Variants in MAP3K13 observed in about 807,000 individuals in gnomAD.
MAP3K13 encodes mitogen-activated protein kinase kinase kinase 13, also known as leucine zipper-bearing kinase.
MAP3K13 carries 52 observed loss-of-function variants against 104.0 expected under a neutral mutation model. That is an observed-to-expected ratio of 0.50 (90% CI 0.40 to 0.63). The LOEUF is 0.63. Among genes scored for constraint, MAP3K13 ranks in the 20% least tolerant of loss-of-function variants. MAP3K13 has a pLI of 0.00. For missense variants in MAP3K13, 914 were observed against 1,218.5 expected, an observed-to-expected ratio of 0.75 and a Z score of 3.72; for synonymous variants, 394 against 442.2, an observed-to-expected ratio of 0.89 and a Z score of 1.37.
Position 185,354,465 on chromosome 3 carries a change from AG to A in MAP3K13, c.-86+68824del, listed in dbSNP as rs1329342218. Among the ~76,000 whole-genome samples, 8 of 150,976 alleles carry A rather than the reference AG, an allele frequency of 5.3e-5. No homozygotes were observed. In the East Asian group the frequency reaches 1.6e-3, roughly 31 times the overall value. ...CTGCCCTCTGTTGACATAGAGAGGT[AG>A]GAGCAGACCCTTAGCAGATAGATAT... On this transcript the variant is annotated intron_variant, in intron 2 of 14. Coordinates refer to the MAP3K13 transcript ENST00000424227.
At position 185,363,363 on chromosome 3, in the gene MAP3K13, G is replaced by A. The variant is rs1238009601; in HGVS notation, c.-91G>A. On this transcript the variant is annotated 5_prime_UTR_variant, in exon 1 of 14. Coordinates refer to ENST00000265026, the MANE Select transcript of MAP3K13 (RefSeq NM_004721.5). ...GGAACAGCATGTGTAGGAATTCTTC[G>A]TTGTTGTGAGTATTGCACTCTGTTT... The A allele has an allele frequency of 1.0e-6, 1 of 983,772 alleles. No homozygotes were observed. The highest frequency in any genetic ancestry group is 1.2e-6 in the Non-Finnish European group (1 of 828,632). The allele number at this position is 983,772 out of a possible 1,614,324, so 60.9% of individuals were successfully genotyped here.
At chr3:185,444,371 A>G (rs578096566) in intron 4 of MAP3K13, among the ~76,000 whole-genome samples, 31 of 152,136 alleles carry the variant, frequency 2.0e-4, no homozygotes, top group African/African-American at 7.5e-4. Context: ...AATAATAAAA[A>G]TAAAAAGAAG....
chr3:185,480,176 G>C, intron 12 of MAP3K13, 56 bp from the exon 13 acceptor site: 1 of 1,533,456 alleles, frequency 6.5e-7, no homozygotes, highest in Non-Finnish European at 8.9e-7. Flanking sequence ...TGACAGATAA[G>C]GAAAGAAAAG....
At chr3:185,442,067 G>A (rs772720167) in intron 3 of MAP3K13, among the ~76,000 whole-genome samples, 8 of 150,872 alleles carry the variant, frequency 5.3e-5, no homozygotes, top group Admixed American at 6.6e-5. Context: ...TTAGCCTGGC[G>A]TGGTGGTGCA....
At chr3:185,382,234 G>A (rs1386891930) in intron 1 of MAP3K13, among the ~76,000 whole-genome samples, 1 of 149,776 alleles carries the variant, frequency 6.7e-6, no homozygotes, top group African/African-American at 2.5e-5. Flanking sequence ...TAATAACATA[G>A]AAAAATTATA....
Position 185,428,953 on chromosome 3 carries a change from C to A in MAP3K13, c.372C>A (p.Gly124=), listed in dbSNP as rs1213224940. The part of the protein sequence containing the change: ...EDIKIQFSRS[G]SGSGGFLEGL... ...TAAAGATTCAGTTCAGCAGGTCAGG[C>A]AGTGGCAGTGGTGGGTTTCTTGAAG... Residue 124 remains glycine, a synonymous_variant, in exon 2 of 14, where the codon GGC becomes GGA. Transcript: ENST00000265026. The A allele has an allele frequency of 4.3e-6, 7 of 1,614,036 alleles. No homozygotes were observed. The highest frequency in any genetic ancestry group is 5.9e-6 in the Non-Finnish European group (7 of 1,180,032).
At position 185,483,862 on chromosome 3, in the gene MAP3K13, G is replaced by A. The variant is rs148473277; in HGVS notation, c.*1406G>A. 3.3e-3 allele frequency: 510 copies of A among 155,122 alleles called. 1 individual carries two copies. The highest frequency in any genetic ancestry group is 5.6e-3 in the Non-Finnish European group (393 of 69,896). The allele number at this position is 155,122 out of a possible 1,614,324, so 9.6% of individuals were successfully genotyped here. ...CGAGTAGCTGGGATTACAGGCGCCCGCAACCACGCCTGGCTAATTTTGTAT... is the reference window on the plus strand; with the variant it reads ...CGAGTAGCTGGGATTACAGGCGCCCACAACCACGCCTGGCTAATTTTGTAT... On this transcript the variant is annotated 3_prime_UTR_variant, in exon 14 of 14. Transcript: ENST00000265026.
intron 7 of MAP3K13, among the ~76,000 whole-genome samples, chr3:185,453,670 G>C (rs889252170): frequency 6.6e-6 from 1 of 151,252 alleles, no homozygotes; most frequent in African/African-American, 2.4e-5. Context: ...TCAGGAGGCT[G>C]AGGCAGGAGA....
At chr3:185,454,632 TATATGA>T (rs1560117097) in intron 7 of MAP3K13, among the ~76,000 whole-genome samples, 1 of 21,864 alleles carries the variant, frequency 4.6e-5, no homozygotes, top group Non-Finnish European at 1.6e-4. Context: ...ATGAGATATA[TATATGA>T]GATATATATA....
At chr3:185,401,045 T>C (rs906139879) in intron 1 of MAP3K13, among the ~76,000 whole-genome samples, 1 of 152,094 alleles carries the variant, frequency 6.6e-6, no homozygotes, top group Admixed American at 6.6e-5. Flanking sequence ...GGCACCTTGT[T>C]TGGGGGCTCT....
At chr3:185,458,754 G>A (rs527480893) in intron 7 of MAP3K13, among the ~76,000 whole-genome samples, 6 of 152,136 alleles carry the variant, frequency 3.9e-5, no homozygotes, top group East Asian at 1.9e-4. Flanking sequence ...CCAAAACTTC[G>A]GTCAAGAGGT....
At chr3:185,472,247 T>C (rs947009307) in intron 10 of MAP3K13, among the ~76,000 whole-genome samples, 1 of 149,596 alleles carries the variant, frequency 6.7e-6, no homozygotes, top group African/African-American at 2.5e-5. Flanking sequence ...TCTCACTCTG[T>C]TGCCCAGGCT....
chr3:185,430,830 A>T (rs1363898312), intron 2 of MAP3K13, among the ~76,000 whole-genome samples: 1 of 152,180 alleles, frequency 6.6e-6, no homozygotes, highest in Non-Finnish European at 1.5e-5. Context: ...GTATACTTTT[A>T]AAAAATGGAG....
intron 2 of MAP3K13, among the ~76,000 whole-genome samples, chr3:185,357,186 C>T (rs1427499007): frequency 4.0e-5 from 6 of 151,140 alleles, no homozygotes; most frequent in African/African-American, 7.3e-5. Context: ...GGCTCACGCC[C>T]GTAATCCCAG....
At chr3:185,383,540 C>T (rs1020771196) in intron 1 of MAP3K13, among the ~76,000 whole-genome samples, 5 of 143,342 alleles carry the variant, frequency 3.5e-5, no homozygotes, top group Admixed American at 7.3e-5. Context: ...CCAGCCTGGG[C>T]GACAGAGTGA....
intron 8 of MAP3K13, 108 bp downstream of exon 8, chr3:185,463,767 G>C (rs1577604481): frequency 1.7e-6 from 1 of 603,134 alleles, no homozygotes; most frequent in Non-Finnish European, 3.0e-6. Flanking sequence ...TTTCACCTCT[G>C]CTTTTTATTG....
At chr3:185,290,801 T>C (rs1410150973) in intron 2 of MAP3K13, among the ~76,000 whole-genome samples, 1 of 152,216 alleles carries the variant, frequency 6.6e-6, no homozygotes, top group Non-Finnish European at 1.5e-5. Flanking sequence ...ATAGATTCAG[T>C]AAATATTAGC....
Position 185,466,963 on chromosome 3 carries a change from G to A in MAP3K13, c.1643G>A (p.Arg548Gln), listed in dbSNP as rs536039979. Reference protein sequence around the residue: ...VPHKSGMQTKRPDLLRSEGIP... With the variant: ...VPHKSGMQTKQPDLLRSEGIP... ...CACAAATCTGGGATGCAGACCAAAC[G>A]GTGAGACACCTGTACAAACGCAGTA... Residue 548 changes from arginine to glutamine, a missense_variant and splice_region_variant, in exon 10 of 14, where the codon CGG becomes CAG. Coordinates refer to ENST00000265026, the MANE Select transcript of MAP3K13 (RefSeq NM_004721.5). 19 of 1,613,846 alleles carry A rather than the reference G, an allele frequency of 1.2e-5. No homozygotes were observed. The highest frequency in any genetic ancestry group is 6.6e-5 in the South Asian group (6 of 91,070).
upstream of MAP3K13, among the ~76,000 whole-genome samples, chr3:185,360,930 G>A (rs191940351): frequency 3.4e-4 from 50 of 147,378 alleles, no homozygotes; most frequent in East Asian, 8.0e-3. Context: ...AGATTCAAGC[G>A]ATTCTCATGC....
Sources: gnomAD v4.1 joint callset for allele counts (sites outside exome capture counted in the v4.1 genomes callset) on GRCh38, gnomAD v4.1.1 for gene constraint, MANE v1.5 for transcripts, NCBI Gene and HGNC (gene_info 2026-07-23, HGNC 2026-07-21) for gene names.